PHF1: variants seen among roughly 807,000 people sequenced by gnomAD.
PHF1 encodes PHD finger protein 1.
Under a neutral mutation model 69.4 loss-of-function variants are expected in PHF1, and 16 were observed. That is an observed-to-expected ratio of 0.23 (90% confidence interval 0.16 to 0.35). The LOEUF (loss-of-function observed/expected upper bound fraction) is 0.35. Ranked by LOEUF, PHF1 falls within the 10% of genes least tolerant of loss-of-function variation. The pLI, the probability that PHF1 is intolerant of heterozygous loss-of-function variation, is 1.00. For missense variants in PHF1, 515 were observed against 732.8 expected, an observed-to-expected ratio of 0.70 and a Z score of 3.43; for synonymous variants, 274 against 275.0, an observed-to-expected ratio of 1.00 and a Z score of 0.04.
In PHF1 at chr6:33,412,703, C is replaced by G. The variant is rs879303785; in HGVS notation, c.247C>G (p.Leu83Val). ...VLWKDISPAA[L>V]PGEELLCCVC... is the part of the protein sequence containing the mutation. The stretch of plus-strand genomic sequence containing the variant: ...GACACTGTGTTCTCTCACAGCTGCC[C>G]TCCCTGGAGAGGAACTCCTCTGTTG... The change falls in exon 4 of 15, where the codon CTC becomes GTC. Residue 83 changes from leucine (L) to valine (V), a missense_variant. By Grantham distance (32) the Leu-to-Val change is conservative. Transcript: ENST00000374516. The surrounding 1 kb of genome is among the most constrained non-coding windows in gnomAD (Gnocchi z 4.2). The G allele has an allele frequency of 2.5e-6, 4 of 1,614,024 alleles. No individual in the cohort carries two copies. Among genetic ancestry groups the G allele is most frequent in the Non-Finnish European group, 3.4e-6 (4 of 1,179,974 alleles).
In PHF1 at chr6:33,414,618, G is replaced by T; in HGVS notation, c.944+74G>T. The stretch of plus-strand genomic sequence containing the variant: ...AGAGTGGAAGCCTGGAAGGGGAGGG[G>T]CTTGCAACCCACCTGGAAGACTGTG... On this transcript the variant is annotated intron_variant, in intron 10 of 14. Transcript: ENST00000374516. The surrounding 1 kb of genome is among the most constrained non-coding windows in gnomAD (Gnocchi z 5.0). 6.4e-7 allele frequency: 1 copy of T among 1,565,814 alleles called. No individual in the cohort carries two copies. The highest frequency in any genetic ancestry group is 2.3e-5 in the East Asian group (1 of 44,088).
chr6:33,416,042 C>T lies in PHF1; in HGVS notation c.1648C>T (p.Arg550Trp), dbSNP rs1302877303. The T allele has an allele frequency of 3.7e-6, 6 of 1,607,750 alleles. No individual in the cohort carries two copies. The highest frequency in any genetic ancestry group is 1.7e-5 in the Admixed American group (1 of 59,404). Residue 550 changes from arginine to tryptophan, a missense_variant, in exon 15 of 15, where the codon CGG becomes TGG. Arg to Trp is a moderately radical substitution (Grantham distance 101). Around this residue, in one of 5 missense-constraint regions of PHF1, gnomAD observed 274 missense variants for 304.5 expected, o/e 0.90. Coordinates refer to ENST00000374516, the MANE Select transcript of PHF1 (RefSeq NM_024165.3). ...TGTCCGGGTCCTTGCTCGGAGAGTA[C>T]GGCCTGATGGCTCTGTGCAGTACCT... ...DPVRVLARRV[R>W]PDGSVQYLVE...
chr6:33,414,898 G>C lies in PHF1; in HGVS notation c.1050-57G>C. On this transcript the variant is annotated intron_variant, in intron 11 of 14. Coordinates refer to ENST00000374516, the MANE Select transcript of PHF1 (RefSeq NM_024165.3). The surrounding 1 kb of genome is among the most constrained non-coding windows in gnomAD (Gnocchi z 5.0). The stretch of plus-strand genomic sequence containing the variant: ...TCCTGGGGGGTATATGTATAGAGAT[G>C]GGGAGGTCTTGGGGGTGTCCGGGAG... 6.5e-7 allele frequency: 1 copy of C among 1,549,840 alleles called. No individual in the cohort carries two copies. The highest frequency in any genetic ancestry group is 1.2e-5 in the South Asian group (1 of 83,646).
rs1379861956 is a variant in PHF1 at position 33,415,114 on chromosome 6, G to A, written c.1209G>A (p.Arg403=). ...ATCAGCCCGAGCCCCAGGAGCAGAGGGAGCGGGCTCATCTGCAGAGGGCAC... is the reference window on the plus strand; with the variant it reads ...ATCAGCCCGAGCCCCAGGAGCAGAGAGAGCGGGCTCATCTGCAGAGGGCAC... The part of the protein sequence containing the change: ...VRNQPEPQEQ[R]ERAHLQRALQ... Residue 403 remains arginine (R), a synonymous_variant, in exon 12 of 15, where the codon AGG becomes AGA. Transcript: ENST00000374516. The A allele has an allele frequency of 3.1e-6, 5 of 1,613,618 alleles. No individual in the cohort carries two copies. In the Admixed American group the frequency reaches 5.0e-5, roughly 16 times the overall value.
Position 33,414,929 on chromosome 6 carries a change from T to TG in PHF1, c.1050-20dup. ...GTCTTGGGGGTGTCCGGGAGGGGGC[T>TG]GGGGGGATAAGGAGGCCTCTTACAG... On this transcript the variant is annotated intron_variant, in intron 11 of 14. Transcript: ENST00000374516. The surrounding 1 kb of genome is among the most constrained non-coding windows in gnomAD (Gnocchi z 5.0). 8.3e-7 allele frequency: 1 copy of TG among 1,210,892 alleles called. No individual in the cohort carries two copies. Among genetic ancestry groups the TG allele is most frequent in the Admixed American group, 3.1e-5 (1 of 32,398 alleles). 75.0% of individuals were successfully genotyped at this position (1,210,892 alleles called of 1,614,324 possible).
rs1242057245 is a variant in PHF1 at position 33,414,764 on chromosome 6, G to A, written c.984G>A (p.Leu328=). ...SGREIKKRKC[L]FGLHARMPPP... ...GAGAGATTAAGAAGAGGAAATGTTT[G>A]TTTGGTCTCCATGCTCGGATGCCTC... Residue 328 remains leucine, a synonymous_variant, in exon 11 of 15, where the codon TTG becomes TTA. Coordinates refer to ENST00000374516, the MANE Select transcript of PHF1 (RefSeq NM_024165.3). The surrounding 1 kb of genome is among the most constrained non-coding windows in gnomAD (Gnocchi z 5.0). The A allele has an allele frequency of 1.2e-5, 19 of 1,613,936 alleles. No individual in the cohort carries two copies. The highest frequency in any genetic ancestry group is 1.6e-5 in the Non-Finnish European group (19 of 1,179,942).
rs570166629 is a variant in PHF1 at position 33,414,668 on chromosome 6, T to G, written c.945-57T>G. On this transcript the variant is annotated intron_variant, in intron 10 of 14. Transcript: ENST00000374516. The surrounding 1 kb of genome is among the most constrained non-coding windows in gnomAD (Gnocchi z 5.0). ...GACTGAAAAGGATTGAGGAATGGCG[T>G]AAGGAGGAACCGTTTTTTACAGCAC... 86 of 1,557,642 alleles carry G rather than the reference T, an allele frequency of 5.5e-5. No individual in the cohort carries two copies. Among genetic ancestry groups the G allele is most frequent in the South Asian group, 3.0e-4 (27 of 89,270 alleles).
chr6:33,415,370 A>G lies in PHF1; in HGVS notation c.1334+41A>G, dbSNP rs760505300. The G allele has an allele frequency of 1.2e-5, 18 of 1,457,570 alleles. No homozygotes were observed. The African/African-American group carries it at 2.2e-4, about 18-fold the overall frequency. The allele number at this position is 1,457,570 out of a possible 1,614,324, so 90.3% of individuals were successfully genotyped here. A position where few individuals can be genotyped will look rare whatever the true frequency, so the allele number is the denominator to read the frequency against. Reference sequence around the variant, plus strand: ...CCCCTCCCCCACAAAATATGCTCCCAATTATTCACATCTTCTGGACTTTAT... The same window carrying G: ...CCCCTCCCCCACAAAATATGCTCCCGATTATTCACATCTTCTGGACTTTAT... On this transcript the variant is annotated intron_variant, in intron 13 of 14. Coordinates refer to ENST00000374516, the MANE Select transcript of PHF1 (RefSeq NM_024165.3).
intron 6 of PHF1, 72 bp from the exon 7 acceptor site, chr6:33,413,664 G>A (rs1562853335): frequency 6.3e-7 from 1 of 1,597,366 alleles, no homozygotes; most frequent in Non-Finnish European, 8.6e-7. Context: ...GGGATAGGAG[G>A]TAAGTTTAGG....
chr6:33,412,803 C>A lies in PHF1; in HGVS notation c.337+10C>A. ...GAGAAGTGTCGCCATGGTGAGAGGG[C>A]AGGTCACCTGAATGGTCCAGCTTGC... On this transcript the variant is annotated intron_variant, in intron 4 of 14. Transcript: ENST00000374516. This position sits in a 1 kb window ranked among gnomAD's most constrained non-coding sequence, Gnocchi z 4.2. The A allele has an allele frequency of 6.2e-7, 1 of 1,609,470 alleles. No individual in the cohort carries two copies. The highest frequency in any genetic ancestry group is 2.2e-5 in the East Asian group (1 of 44,868).
upstream of PHF1, chr6:33,410,561 C>T (rs1427512654): frequency 3.3e-4 from 1 of 3,044 alleles, no homozygotes; most frequent in Non-Finnish European, 5.0e-4. Context: ...TGGGGCGCGA[C>T]TCGTCACGGG....
rs780370346 is a variant in PHF1, at chr6:33,412,398, G to A, written c.135G>A (p.Leu45=). The A allele has an allele frequency of 6.2e-7, 1 of 1,614,218 alleles. No homozygotes were observed. Among genetic ancestry groups the A allele is most frequent in the South Asian group, 1.1e-5 (1 of 91,086 alleles). Residue 45 remains leucine (L), a synonymous_variant, in exon 2 of 15, where the codon CTG becomes CTA. Coordinates refer to ENST00000374516, the MANE Select transcript of PHF1 (RefSeq NM_024165.3). The surrounding 1 kb of genome is among the most constrained non-coding windows in gnomAD (Gnocchi z 4.2). ...QDVLARWTDG[L]LYLGTIKKVD... ...TGCTGGCCAGATGGACTGATGGGCT[G>A]CTATACTTGGGTACCATCAAAAAGG...
chr6:33,415,932 C>T lies in PHF1; in HGVS notation c.1538C>T (p.Pro513Leu). Residue 513 changes from proline to leucine, a missense_variant, in exon 15 of 15, where the codon CCC becomes CTC. Physicochemically the swap from Pro to Leu is moderately conservative, Grantham distance 98. Transcript: ENST00000374516. ...PSPGLPRRSA[P>L]PSPLCRSLSP... ...CCAGGTCTTCCTAGACGCTCAGCACCCCCTTCTCCCCTGTGCCGTAGTTTG... is the reference window on the plus strand; with the variant it reads ...CCAGGTCTTCCTAGACGCTCAGCACTCCCTTCTCCCCTGTGCCGTAGTTTG... 1 of 1,614,104 alleles carries T rather than the reference C, an allele frequency of 6.2e-7. No individual in the cohort carries two copies. Among genetic ancestry groups the T allele is most frequent in the South Asian group, 1.1e-5 (1 of 91,084 alleles).
At chr6:33,415,176 ATGG>A (rs766898405) in intron 12 of PHF1, 32 bp downstream of exon 12, 3 of 1,613,372 alleles carry the variant, frequency 1.9e-6, no homozygotes, top group African/African-American at 2.7e-5. Flanking sequence ...GATGGAGCAA[ATGG>A]TGGGGTGTGG....
Position 33,411,106 on chromosome 6 carries a change from C to T in PHF1, c.-126C>T, listed in dbSNP as rs1010639244. On this transcript the variant is annotated 5_prime_UTR_variant, in exon 1 of 15. Coordinates refer to ENST00000374516, the MANE Select transcript of PHF1 (RefSeq NM_024165.3). ...GGGCTGGGCCTGGGGACCCCCCGGC[C>T]TCCGCCTGCACGCCCCCCCACGCCC... 6.6e-6 allele frequency: 1 copy of T among 152,010 alleles called. No homozygotes were observed. Among genetic ancestry groups the T allele is most frequent in the Admixed American group, 6.5e-5 (1 of 15,268 alleles). The allele number at this position is 152,010 out of a possible 1,614,324, so 9.4% of individuals were successfully genotyped here.
rs1776394937 is a variant in PHF1 at position 33,415,446 on chromosome 6, G to A, written c.1334+117G>A. 7.3e-6 allele frequency: 9 copies of A among 1,230,238 alleles called. No homozygotes were observed. The South Asian group carries it at 9.2e-5, about 13-fold the overall frequency. 76.2% of individuals were successfully genotyped at this position (1,230,238 alleles called of 1,614,324 possible). A position where few individuals can be genotyped will look rare whatever the true frequency, so the allele number is the denominator to read the frequency against. The stretch of plus-strand genomic sequence containing the variant: ...CCTTGGCTACCCACTTCTTGGCCTA[G>A]ACCGACTTCTAGAACTAGTGTCTGG... On this transcript the variant is annotated intron_variant, in intron 13 of 14. Coordinates refer to ENST00000374516, the MANE Select transcript of PHF1 (RefSeq NM_024165.3).
rs1458681920 is a variant in PHF1, at chr6:33,415,600, C to T, written c.1345C>T (p.Arg449Trp). 6.2e-7 allele frequency: 1 copy of T among 1,614,014 alleles called. No homozygotes were observed. The highest frequency in any genetic ancestry group is 1.7e-5 in the Admixed American group (1 of 60,014). Reference sequence around the variant, plus strand: ...CCACTCCAACCCCAGCAGCCCCATCCGGATGTTTGCTTCCTTCCACCCTTC... The same window carrying T: ...CCACTCCAACCCCAGCAGCCCCATCTGGATGTTTGCTTCCTTCCACCCTTC... ...DARCLPSSPI[R>W]MFASFHPSAS... The change falls in exon 14 of 15, where the codon CGG becomes TGG. Residue 449 changes from arginine (R) to tryptophan (W), a missense_variant. By Grantham distance (101) the Arg-to-Trp change is moderately radical. Coordinates refer to ENST00000374516, the MANE Select transcript of PHF1 (RefSeq NM_024165.3).
rs1160808423 is a variant in PHF1, at chr6:33,415,843, A to G, written c.1449A>G (p.Thr483=). 3 of 1,603,890 alleles carry G rather than the reference A, an allele frequency of 1.9e-6. No homozygotes were observed. The highest frequency in any genetic ancestry group is 2.6e-6 in the Non-Finnish European group (3 of 1,172,434). The change falls in exon 15 of 15, where the codon ACA becomes ACG. Residue 483 remains threonine (T), a synonymous_variant. Coordinates refer to ENST00000374516, the MANE Select transcript of PHF1 (RefSeq NM_024165.3). ...TGGAACTTCACATTGGTTTCCCCAC[A>G]GACATCCCTAAAAGTGCCCCCCACT... is the stretch of plus-strand genomic sequence containing the variant. The part of the protein sequence containing the change: ...SPLELHIGFP[T]DIPKSAPHSM...
intron 12 of PHF1, 27 bp from the exon 13 acceptor site, chr6:33,415,206 ATC>A: frequency 3.1e-6 from 5 of 1,611,728 alleles, no homozygotes; most frequent in Non-Finnish European, 4.2e-6. Flanking sequence ...GTCAAGGATT[ATC>A]TCTCAGTCCT....
Sources: allele counts gnomAD v4.1 joint callset, GRCh38; gene constraint gnomAD v4.1.1; regional missense constraint gnomAD v4.1.1; non-coding constraint Gnocchi (gnomAD v3.1); transcripts MANE v1.5; gene names NCBI Gene and HGNC (gene_info 2026-07-23, HGNC 2026-07-21).